Variants in EPN1 observed in about 807,000 individuals in gnomAD.
The protein encoded by EPN1 is epsin-1.
A neutral mutation model predicts 56.9 loss-of-function variants in EPN1; 25 were observed. The ratio of observed to expected loss-of-function variants is 0.44; its 90% CI spans 0.32 to 0.61. The LOEUF is 0.61. EPN1 is among the 20% of genes least tolerant of loss of function. EPN1 has a pLI of 0.05. For missense variants in EPN1, 785 were observed against 823.7 expected (o/e 0.95, Z 0.58); for synonymous variants, 411 against 361.8 (o/e 1.14, Z -1.54).
rs1987094311 is a variant in EPN1 at position 55,700,561 on chromosome 19, A to AGC, written c.*5205_*5206insGC. ...AGGCGTGAGCCACGGCACCCGGCCC[A>AGC]TAATTACAAACTTTCTGAGGGACAT... On this transcript the variant is annotated 3_prime_UTR_variant, in exon 11 of 11. Coordinates refer to ENST00000270460, the MANE Select transcript of EPN1 (RefSeq NM_001130072.2). The AGC allele has an allele frequency of 8.4e-5, 12 of 143,272 alleles. No individual in the cohort carries two copies. The highest frequency in any genetic ancestry group is 3.0e-4 in the African/African-American group (10 of 32,950). The allele number at this position is 143,272 out of a possible 1,614,324, so 8.9% of individuals were successfully genotyped here.
Position 55,678,620 on chromosome 19 carries a change from C to G in EPN1, c.-8C>G, listed in dbSNP as rs745750069. 1 of 1,603,682 alleles carries G rather than the reference C, an allele frequency of 6.2e-7. No homozygotes were observed. The highest frequency in any genetic ancestry group is 8.5e-7 in the Non-Finnish European group (1 of 1,175,732). ...GCCCTGTGCCCCTTGCTGCTGCAGC[C>G]GGGCACCATGTCGACCTCGTCCTTG... is the stretch of plus-strand genomic sequence containing the variant. On this transcript the variant is annotated 5_prime_UTR_variant, in exon 2 of 11. Transcript: ENST00000270460.
chr19:55,690,320 ACCT>A (rs1313581684), intron 6 of EPN1, among the ~76,000 whole-genome samples: 1 of 152,212 alleles, frequency 6.6e-6, no homozygotes, highest in Non-Finnish European at 1.5e-5. Flanking sequence ...TTTGTCGGGC[ACCT>A]CCTTGGTGCC....
Position 55,691,239 on chromosome 19 carries a change from CGGG to C in EPN1, c.763-513_763-511del, listed in dbSNP as rs1986525298. On this transcript the variant is annotated intron_variant, in intron 6 of 10. Transcript: ENST00000270460. The surrounding 1 kb of genome is among the most constrained non-coding windows in gnomAD (Gnocchi z 5.6). ...CAGCGCGATGACTGCGGGGTGACGGCGGGGCAACGTAGGGGGCATCGTGAGGGG... is the reference window on the plus strand; with the variant it reads ...CAGCGCGATGACTGCGGGGTGACGGCGCAACGTAGGGGGCATCGTGAGGGG... 6.6e-6 allele frequency among the ~76,000 whole-genome samples: 1 copy of C among 151,686 alleles called. No individual in the cohort carries two copies. Among genetic ancestry groups the C allele is most frequent in the African/African-American group, 2.4e-5 (1 of 41,226 alleles).
rs886273091 is a variant in EPN1 at position 55,707,652 on chromosome 19, G to A, written c.*12296G>A. On this transcript the variant is annotated 3_prime_UTR_variant, in exon 11 of 11. Coordinates refer to ENST00000270460, the MANE Select transcript of EPN1 (RefSeq NM_001130072.2). ...AACCATCTTTCCTTTGCAGACTGGG[G>A]TGGGGACTCTGGCCAATGCCATTCT... 6.5e-6 allele frequency: 1 copy of A among 154,684 alleles called. No homozygotes were observed. The highest frequency in any genetic ancestry group is 6.5e-5 in the Admixed American group (1 of 15,290). 9.6% of individuals were successfully genotyped at this position (154,684 alleles called of 1,614,324 possible).
chr19:55,708,843 G>C lies in EPN1; in HGVS notation c.*13487G>C. 9.0e-7 allele frequency: 1 copy of C among 1,116,134 alleles called. No homozygotes were observed. The highest frequency in any genetic ancestry group is 1.6e-5 in the African/African-American group (1 of 61,196). The allele number at this position is 1,116,134 out of a possible 1,614,324, so 69.1% of individuals were successfully genotyped here. A position where few individuals can be genotyped will look rare whatever the true frequency, so the allele number is the denominator to read the frequency against. On this transcript the variant is annotated 3_prime_UTR_variant, in exon 11 of 11. Coordinates refer to ENST00000270460, the MANE Select transcript of EPN1 (RefSeq NM_001130072.2). ...CATGATGTGCAATTACAGGATAGAG[G>C]TGCCAGGTGAAGGTCCCACTGTGGC...
rs1444420550 is a variant in EPN1 at position 55,698,286 on chromosome 19, T to G, written c.*2930T>G. ...TGGCTCTCAGGAGCAGATGTGCTTC[T>G]GACCCGACGTCTTCCCCCAGAGAGG... is the stretch of plus-strand genomic sequence containing the variant. On this transcript the variant is annotated 3_prime_UTR_variant, in exon 11 of 11. Transcript: ENST00000270460. 6.6e-6 allele frequency: 1 copy of G among 152,338 alleles called. No individual in the cohort carries two copies. The highest frequency in any genetic ancestry group is 1.5e-5 in the Non-Finnish European group (1 of 68,192). 9.4% of individuals were successfully genotyped at this position (152,338 alleles called of 1,614,324 possible).
Position 55,696,470 on chromosome 19 carries a change from C to A in EPN1, c.*1114C>A, listed in dbSNP as rs1328327659. 6.6e-5 allele frequency: 10 copies of A among 152,398 alleles called. No individual in the cohort carries two copies. The highest frequency in any genetic ancestry group is 6.5e-4 in the Admixed American group (10 of 15,280). The allele number at this position is 152,398 out of a possible 1,614,324, so 9.4% of individuals were successfully genotyped here. ...TGTTCTTCCATGTGGAGTCTCCCTC[C>A]GTGATCCCCTGGGGTCAAGTCCTGA... On this transcript the variant is annotated 3_prime_UTR_variant, in exon 11 of 11. Coordinates refer to ENST00000270460, the MANE Select transcript of EPN1 (RefSeq NM_001130072.2).
intron 2 of EPN1, among the ~76,000 whole-genome samples, chr19:55,682,552 G>A (rs924172933): frequency 1.2e-4 from 18 of 151,996 alleles, no homozygotes; most frequent in African/African-American, 4.1e-4. Context: ...CCAAGTAGCA[G>A]GGATGACACG....
Position 55,675,381 on chromosome 19 carries a change from CG to C in EPN1, c.-152del, listed in dbSNP as rs1985321626. ...CACGTCCCGCGACACCGAGGCCGAG[CG>C]GGGCAGGGGGCTGACCGCCATGACC... On this transcript the variant is annotated 5_prime_UTR_variant, in exon 1 of 11. Coordinates refer to ENST00000270460, the MANE Select transcript of EPN1 (RefSeq NM_001130072.2). 1 of 151,772 alleles carries C rather than the reference CG, an allele frequency of 6.6e-6. No individual in the cohort carries two copies. The highest frequency in any genetic ancestry group is 6.6e-5 in the Admixed American group (1 of 15,240). 9.4% of individuals were successfully genotyped at this position (151,772 alleles called of 1,614,324 possible). A position where few individuals can be genotyped will look rare whatever the true frequency, so the allele number is the denominator to read the frequency against.
Position 55,707,461 on chromosome 19 carries a change from C to G in EPN1, c.*12105C>G, listed in dbSNP as rs886162817. ...CCCCTTCTGTGGAATATGACAGTGTCTCTATTTCGGGTAAAGGAAAGACCA... is the reference window on the plus strand; with the variant it reads ...CCCCTTCTGTGGAATATGACAGTGTGTCTATTTCGGGTAAAGGAAAGACCA... On this transcript the variant is annotated 3_prime_UTR_variant, in exon 11 of 11. Coordinates refer to ENST00000270460, the MANE Select transcript of EPN1 (RefSeq NM_001130072.2). 6.6e-6 allele frequency: 1 copy of G among 152,410 alleles called. No homozygotes were observed. The highest frequency in any genetic ancestry group is 6.5e-5 in the Admixed American group (1 of 15,286). The allele number at this position is 152,410 out of a possible 1,614,324, so 9.4% of individuals were successfully genotyped here.
At chr19:55,677,005 C>T (rs1238211996) in intron 1 of EPN1, 7 of 1,061,108 alleles carry the variant, frequency 6.6e-6, no homozygotes, top group South Asian at 3.3e-5. Context: ...TGTTTTGGGA[C>T]TCCAGAGAGT....
In EPN1 at chr19:55,695,126, C is replaced by G. The variant is rs1333360229; in HGVS notation, c.1523-22C>G. On this transcript the variant is annotated intron_variant, in intron 10 of 10. Coordinates refer to ENST00000270460, the MANE Select transcript of EPN1 (RefSeq NM_001130072.2). This position sits in a 1 kb window ranked among gnomAD's most constrained non-coding sequence, Gnocchi z 4.4. ...CTGCGCCACTGACTCCACTCCGTGT[C>G]TCTGGTTTACTCTTCCTGCAGGAGG... 1.9e-6 allele frequency: 3 copies of G among 1,613,552 alleles called. No homozygotes were observed. Among genetic ancestry groups the G allele is most frequent in the East Asian group, 4.5e-5 (2 of 44,874 alleles).
intron 3 of EPN1, among the ~76,000 whole-genome samples, chr19:55,687,455 C>T (rs1016863324): frequency 2.0e-5 from 3 of 152,066 alleles, no homozygotes; most frequent in African/African-American, 7.2e-5. Flanking sequence ...AGGTGGGGCC[C>T]TCAGGGCTGC....
At chr19:55,683,511 C>T (rs1184982201) in intron 2 of EPN1, among the ~76,000 whole-genome samples, 3 of 152,122 alleles carry the variant, frequency 2.0e-5, no homozygotes, top group Non-Finnish European at 4.4e-5. Flanking sequence ...ACCGCCACAC[C>T]TGGCCAGTTG....
rs1254033177 is a variant in EPN1 at position 55,707,473 on chromosome 19, TAAAGG to T, written c.*12122_*12126del. ...AATATGACAGTGTCTCTATTTCGGGTAAAGGAAAGACCAAAATAACTTTCCAAGAT... is the reference window on the plus strand; with the variant it reads ...AATATGACAGTGTCTCTATTTCGGGTAAAGACCAAAATAACTTTCCAAGAT... On this transcript the variant is annotated 3_prime_UTR_variant, in exon 11 of 11. Coordinates refer to ENST00000270460, the MANE Select transcript of EPN1 (RefSeq NM_001130072.2). The T allele has an allele frequency of 2.0e-5, 3 of 152,668 alleles. No homozygotes were observed. The highest frequency in any genetic ancestry group is 1.9e-4 in the East Asian group (1 of 5,192). 9.5% of individuals were successfully genotyped at this position (152,668 alleles called of 1,614,324 possible). A position where few individuals can be genotyped will look rare whatever the true frequency, so the allele number is the denominator to read the frequency against.
At chr19:55,686,405 C>A (rs1320512981) in intron 3 of EPN1, among the ~76,000 whole-genome samples, 1 of 152,010 alleles carries the variant, frequency 6.6e-6, no homozygotes, top group African/African-American at 2.4e-5. Flanking sequence ...AGTGGAGGTG[C>A]CTCAGTTAGT....
intron 1 of EPN1, 103 bp downstream of exon 1, chr19:55,675,538 C>T (rs1457308772): frequency 6.6e-6 from 1 of 152,660 alleles, no homozygotes; most frequent in Non-Finnish European, 1.5e-5. Flanking sequence ...TTCTGGGTGT[C>T]TCTGGCGGCC....
intron 2 of EPN1, among the ~76,000 whole-genome samples, chr19:55,682,344 C>T (rs1465809536): frequency 6.6e-6 from 1 of 152,204 alleles, no homozygotes; most frequent in South Asian, 2.1e-4. Context: ...TGGAGTCACA[C>T]GCGTGGTCTT....
At chr19:55,675,619 CTG>C (rs1385810753) in intron 1 of EPN1, among the ~76,000 whole-genome samples, 184 bp downstream of exon 1, 1 of 152,186 alleles carries the variant, frequency 6.6e-6, no homozygotes, top group Non-Finnish European at 1.5e-5. Flanking sequence ...TCTCTCGTGT[CTG>C]TGTGTCTGTC....
Sources: allele counts gnomAD v4.1 joint callset (sites outside exome capture counted in the v4.1 genomes callset), GRCh38; gene constraint gnomAD v4.1.1; non-coding constraint Gnocchi (gnomAD v3.1); transcripts MANE v1.5; gene names NCBI Gene and HGNC (gene_info 2026-07-23, HGNC 2026-07-21).